LRCH3: variants seen among roughly 807,000 people sequenced by gnomAD.
LRCH3 encodes leucine rich repeats and calponin homology domain containing 3, also known as DISP complex protein LRCH3.
In LRCH3, 68 loss-of-function variants were observed where a neutral mutation model predicts 104.5. That is an observed-to-expected ratio of 0.65 (90% CI 0.54 to 0.80). The LOEUF is 0.80. LRCH3 is among the 30% of genes least tolerant of loss of function. The pLI is 0.00. For missense variants in LRCH3, 951 were observed against 953.9 expected, an observed-to-expected ratio of 1.00 and a Z score of 0.04; for synonymous variants, 344 against 361.3, an observed-to-expected ratio of 0.95 and a Z score of 0.54.
chr3:197,882,543 A>AAAAT, intron 20 of LRCH3: 1 of 940,562 alleles, frequency 1.1e-6, no homozygotes, highest in Non-Finnish European at 1.3e-6. Context: ...AAACAAAAAA[A>AAAAT]CCCAACTAGT....
intron 4 of LRCH3, among the ~76,000 whole-genome samples, chr3:197,823,950 A>G (rs1422682114): frequency 6.6e-6 from 1 of 152,174 alleles, no homozygotes; most frequent in East Asian, 1.9e-4. Flanking sequence ...GTGTAGTTTT[A>G]GCACAACTTC....
intron 1 of LRCH3, among the ~76,000 whole-genome samples, chr3:197,793,082 G>T (rs1453893782): frequency 1.1e-4 from 17 of 152,330 alleles, no homozygotes; most frequent in African/African-American, 4.1e-4. Flanking sequence ...AGCCACTGCG[G>T]CTGGCAGTAC....
intron 3 of LRCH3, among the ~76,000 whole-genome samples, chr3:197,817,666 ATAAAT>A (rs1018072139): frequency 3.3e-5 from 5 of 151,992 alleles, no homozygotes; most frequent in Admixed American, 3.3e-4. Flanking sequence ...ATTTTTCAAA[ATAAAT>A]TTGTTTGTAT....
chr3:197,847,249 T>C lies in LRCH3; in HGVS notation c.1329-160T>C, dbSNP rs115879245. Among the ~76,000 whole-genome samples, 779 of 152,316 alleles carry C rather than the reference T, an allele frequency of 5.1e-3. 7 individuals carry two copies. The highest frequency in any genetic ancestry group is 0.018 in the African/African-American group (743 of 41,566). On this transcript the variant is annotated intron_variant, in intron 10 of 20. Coordinates refer to ENST00000425562, the MANE Select transcript of LRCH3 (RefSeq NM_001365715.1). ...CTGGTTTCACTTAATGACTTGGACT[T>C]AGGTTTACAAAATGCAGCTACTCCT... is the stretch of plus-strand genomic sequence containing the variant.
chr3:197,842,350 C>T (rs569470804), intron 10 of LRCH3, among the ~76,000 whole-genome samples: 7 of 152,320 alleles, frequency 4.6e-5, no homozygotes, highest in African/African-American at 1.4e-4. Context: ...CTGGAGCTTA[C>T]ATTCAAGTGA....
At chr3:197,849,444 G>A (rs1216203007) in intron 12 of LRCH3, among the ~76,000 whole-genome samples, 1 of 151,904 alleles carries the variant, frequency 6.6e-6, no homozygotes, top group African/African-American at 2.4e-5. Context: ...AATTGTTAAT[G>A]TACTAATGGC....
At chr3:197,843,396 G>A (rs1360022627) in intron 10 of LRCH3, among the ~76,000 whole-genome samples, 1 of 152,032 alleles carries the variant, frequency 6.6e-6, no homozygotes, top group Non-Finnish European at 1.5e-5. Flanking sequence ...TGTAATCCCA[G>A]CACTATACTG....
At position 197,817,259 on chromosome 3, in the gene LRCH3, C is replaced by T; in HGVS notation, c.491C>T (p.Ser164Leu). ...VLIASNNKLV[S>L]LPEEIGHLRH... Reference sequence around the variant, plus strand: ...ATTGCTAGTAATAACAAATTGGTGTCACTTCCAGAAGAAATTGGACACCTT... The same window carrying T: ...ATTGCTAGTAATAACAAATTGGTGTTACTTCCAGAAGAAATTGGACACCTT... The change falls in exon 3 of 21, where the codon TCA (serine) becomes TTA (leucine). Residue 164 changes from serine to leucine, a missense_variant. Ser to Leu is a moderately radical substitution (Grantham distance 145). Transcript: ENST00000425562. 6.2e-7 allele frequency: 1 copy of T among 1,610,990 alleles called. No individual in the cohort carries two copies. Among genetic ancestry groups the T allele is most frequent in the Non-Finnish European group, 8.5e-7 (1 of 1,178,768 alleles).
chr3:197,872,216 G>T (rs534790021), intron 19 of LRCH3, among the ~76,000 whole-genome samples: 6 of 152,026 alleles, frequency 3.9e-5, no homozygotes, highest in African/African-American at 1.4e-4. Flanking sequence ...AATCAGCTGG[G>T]TATGGTGGCA....
At chr3:197,806,087 C>T (rs536890224) in intron 1 of LRCH3, among the ~76,000 whole-genome samples, 220 of 151,900 alleles carry the variant, frequency 1.4e-3, no homozygotes, top group African/African-American at 2.1e-3. Flanking sequence ...CCACCACACC[C>T]GGCTAATTTT....
intron 17 of LRCH3, among the ~76,000 whole-genome samples, chr3:197,867,714 G>C (rs545816627): frequency 6.6e-6 from 1 of 151,996 alleles, no homozygotes; most frequent in Admixed American, 6.6e-5. Flanking sequence ...AATTAGCCAG[G>C]CATGGTGGCA....
chr3:197,805,796 G>T (rs1239782832), intron 1 of LRCH3, among the ~76,000 whole-genome samples: 1 of 152,134 alleles, frequency 6.6e-6, no homozygotes, highest in Non-Finnish European at 1.5e-5. Flanking sequence ...TAGGGGAAAA[G>T]AGAAAAGATT....
chr3:197,883,188 C>T lies in LRCH3; in HGVS notation c.2209-353C>T, dbSNP rs1713935314. On this transcript the variant is annotated intron_variant, in intron 20 of 20. Transcript: ENST00000425562. This position sits in a 1 kb window ranked among gnomAD's most constrained non-coding sequence, Gnocchi z 4.2. ...GTGGAATTGTTTTTCTATTTTTCAC[C>T]TGCCTATTTTATAGACCTGTATTGA... The T allele has an allele frequency of 1.2e-5, 12 of 994,642 alleles. No individual in the cohort carries two copies. The highest frequency in any genetic ancestry group is 1.3e-5 in the Non-Finnish European group (11 of 836,224). 61.6% of individuals were successfully genotyped at this position (994,642 alleles called of 1,614,324 possible).
chr3:197,821,703 T>G (rs1734510138), intron 4 of LRCH3, among the ~76,000 whole-genome samples: 1 of 152,220 alleles, frequency 6.6e-6, no homozygotes, highest in African/African-American at 2.4e-5. Flanking sequence ...AGACAGGGTC[T>G]CACTCCCATT....
At chr3:197,852,456 T>TA in intron 12 of LRCH3, 105 bp from the exon 13 acceptor site, 1 of 1,101,438 alleles carries the variant, frequency 9.1e-7, no homozygotes, top group South Asian at 1.4e-5. Context: ...AAACAAGAGG[T>TA]AAAAAAATTA....
intron 9 of LRCH3, among the ~76,000 whole-genome samples, chr3:197,837,611 A>G (rs10428203): frequency 1.3e-5 from 2 of 152,296 alleles, no homozygotes; most frequent in Admixed American, 1.3e-4. Flanking sequence ...ATTTAATTTT[A>G]TTATAATACT....
Position 197,883,177 on chromosome 3 carries a change from C to T in LRCH3, c.2209-364C>T. On this transcript the variant is annotated intron_variant, in intron 20 of 20. Transcript: ENST00000425562. This position sits in a 1 kb window ranked among gnomAD's most constrained non-coding sequence, Gnocchi z 4.2. ...CATCTGGTAGCGTGGAATTGTTTTT[C>T]TATTTTTCACCTGCCTATTTTATAG... is the stretch of plus-strand genomic sequence containing the variant. 1 of 993,276 alleles carries T rather than the reference C, an allele frequency of 1.0e-6. No homozygotes were observed. The highest frequency in any genetic ancestry group is 1.7e-5 in the African/African-American group (1 of 57,522). The allele number at this position is 993,276 out of a possible 1,614,324, so 61.5% of individuals were successfully genotyped here. A position where few individuals can be genotyped will look rare whatever the true frequency, so the allele number is the denominator to read the frequency against.
At chr3:197,878,229 C>T (rs76465910) in intron 20 of LRCH3, among the ~76,000 whole-genome samples, 281 of 152,290 alleles carry the variant, frequency 1.8e-3, no homozygotes, top group African/African-American at 6.0e-3. Flanking sequence ...AGGTCTAAGC[C>T]TGTCCGCGGG....
rs1733046075 is a variant in LRCH3 at position 197,810,882 on chromosome 3, A to T, written c.263-4026A>T. Among the ~76,000 whole-genome samples the T allele has an allele frequency of 6.6e-6, 1 of 152,196 alleles. No individual in the cohort carries two copies. On this transcript the variant is annotated intron_variant, in intron 1 of 20. Coordinates refer to ENST00000425562, the MANE Select transcript of LRCH3 (RefSeq NM_001365715.1). This position sits in a 1 kb window ranked among gnomAD's most constrained non-coding sequence, Gnocchi z 4.0. The stretch of plus-strand genomic sequence containing the variant: ...ATAACCTAAAGTCAGGTTAAAAAAA[A>T]TAAGACTTTTGAATGAAAAGCATTA...
Sources: allele counts gnomAD v4.1 joint callset (sites outside exome capture counted in the v4.1 genomes callset), GRCh38; gene constraint gnomAD v4.1.1; non-coding constraint Gnocchi (gnomAD v3.1); transcripts MANE v1.5; gene names NCBI Gene and HGNC (gene_info 2026-07-23, HGNC 2026-07-21).